The following ACACA variants were observed in gnomAD, a reference collection of about 807,000 sequenced individuals.
ACACA encodes the protein acetyl-CoA carboxylase 1.
Under a neutral mutation model 296.1 loss-of-function variants are expected in ACACA, and 103 were observed. The ratio of observed to expected loss-of-function variants is 0.35; its 90% CI spans 0.30 to 0.41. The LOEUF is 0.41. ACACA is among the 10% of genes least tolerant of loss of function. The pLI, the probability that ACACA is intolerant of heterozygous loss-of-function variation, is 1.00. For missense variants in ACACA, 1,554 were observed against 2,989.7 expected, an observed-to-expected ratio of 0.52 and a Z score of 11.20; for synonymous variants, 953 against 1,038.6, an observed-to-expected ratio of 0.92 and a Z score of 1.58.
chr17:37,188,780 G>A (rs2077634735), intron 38 of ACACA, among the ~76,000 whole-genome samples: 2 of 152,098 alleles, frequency 1.3e-5, no homozygotes, highest in African/African-American at 4.8e-5. Flanking sequence ...AAGATCTGCA[G>A]TATCTAAAAT....
intron 30 of ACACA, among the ~76,000 whole-genome samples, chr17:37,208,333 A>C (rs1008604611): frequency 6.6e-6 from 1 of 152,202 alleles, no homozygotes; most frequent in African/African-American, 2.4e-5. Context: ...GGTTTAGTAA[A>C]TAATTATATA....
intron 1 of ACACA, among the ~76,000 whole-genome samples, chr17:37,382,353 T>C (rs1294194125): frequency 6.6e-6 from 1 of 151,756 alleles, no homozygotes; most frequent in Non-Finnish European, 1.5e-5. Flanking sequence ...CTTTTTTTCA[T>C]ATAGTTTTTT....
At chr17:37,132,596 G>C (rs1048176751) in intron 45 of ACACA, among the ~76,000 whole-genome samples, 3 of 152,192 alleles carry the variant, frequency 2.0e-5, no homozygotes, top group Non-Finnish European at 4.4e-5. Flanking sequence ...CTGAAAATCT[G>C]ATATTCACAA....
intron 1 of ACACA, among the ~76,000 whole-genome samples, chr17:37,403,424 T>G (rs1280756857): frequency 2.1e-5 from 3 of 145,840 alleles, no homozygotes; most frequent in Non-Finnish European, 4.5e-5. Context: ...TAGGCTGGAG[T>G]GCAGTGGTGT....
At chr17:37,288,065 T>C (rs762152598) in intron 3 of ACACA, among the ~76,000 whole-genome samples, 1 of 152,202 alleles carries the variant, frequency 6.6e-6, no homozygotes, top group Non-Finnish European at 1.5e-5. Context: ...GTAGCATATA[T>C]AGACCAGAAA....
intron 1 of ACACA, among the ~76,000 whole-genome samples, chr17:37,381,975 G>A (rs965267591): frequency 2.0e-5 from 3 of 152,004 alleles, no homozygotes; most frequent in East Asian, 1.9e-4. Context: ...TATTTTGGTC[G>A]TTTCCAATCT....
At chr17:37,388,621 C>T in intron 1 of ACACA, 4 of 1,577,180 alleles carry the variant, frequency 2.5e-6, no homozygotes, top group Admixed American at 1.7e-5. Context: ...AATCTCTTTC[C>T]TCTCTCAAAT....
At chr17:37,126,657 C>G (rs532392106) in intron 47 of ACACA, among the ~76,000 whole-genome samples, 1 of 152,280 alleles carries the variant, frequency 6.6e-6, no homozygotes, top group South Asian at 2.1e-4. Context: ...AAACCCAAGT[C>G]CAAAACCAAT....
chr17:37,240,649 G>T, intron 23 of ACACA, 85 bp from the exon 24 acceptor site: 1 of 1,000,582 alleles, frequency 1.0e-6, no homozygotes, highest in Non-Finnish European at 1.5e-6. Flanking sequence ...TTACCTCCAC[G>T]ACATTCCACT....
chr17:37,263,912 GA>G lies in ACACA; in HGVS notation c.1120-19del, dbSNP rs111738937. 1.0e-3 allele frequency: 1,484 copies of G among 1,442,032 alleles called. 4 individuals carry two copies. The highest frequency in any genetic ancestry group is 8.2e-3 in the African/African-American group (569 of 69,530). 89.3% of individuals were successfully genotyped at this position (1,442,032 alleles called of 1,614,324 possible). A position where few individuals can be genotyped will look rare whatever the true frequency, so the allele number is the denominator to read the frequency against. On this transcript the variant is annotated intron_variant, in intron 10 of 55. Transcript: ENST00000616317. ...GCTTGAACCTGTATTAGAAAAGGGG[GA>G]AAAAAAAAACCAATTCTTAAATTTT...
At chr17:37,153,880 T>C (rs1329925773) in intron 43 of ACACA, among the ~76,000 whole-genome samples, 1 of 152,132 alleles carries the variant, frequency 6.6e-6, no homozygotes, top group Middle Eastern at 3.2e-3. Flanking sequence ...ACCCCACTCA[T>C]ATAAATGGAA....
chr17:37,096,670 G>C (rs2073011450), intron 54 of ACACA, among the ~76,000 whole-genome samples: 1 of 152,174 alleles, frequency 6.6e-6, no homozygotes, highest in African/African-American at 2.4e-5. Context: ...TCTAGATGGT[G>C]AGCTCTATGT....
In ACACA at chr17:37,088,996, C is replaced by T; in HGVS notation, c.6970G>A (p.Val2324Ile). 6.2e-7 allele frequency: 1 copy of T among 1,614,190 alleles called. No homozygotes were observed. Among genetic ancestry groups the T allele is most frequent in the Non-Finnish European group, 8.5e-7 (1 of 1,180,040 alleles). Residue 2324 changes from valine (V) to isoleucine (I), a missense_variant, in exon 55 of 56, where the codon GTA (valine) becomes ATA (isoleucine). By Grantham distance (29) the Val-to-Ile change is conservative. This residue lies in a region of ACACA where 553 missense variants were observed against 1,043.6 expected (regional missense o/e 0.53). Coordinates refer to ENST00000616317, the MANE Select transcript of ACACA (RefSeq NM_198834.3). ...ATGCATTTGATGTTTTCCTCTATTA[C>T]CGAGTGAACACCATCCTCCTCTGTC... ...QLTEEDGVHSVIEENIKCISR... is the reference protein window; with the variant it reads ...QLTEEDGVHSIIEENIKCISR...
rs570842370 is a variant in ACACA at position 37,113,480 on chromosome 17, C to T, written c.6275-215G>A. Among the ~76,000 whole-genome samples the T allele has an allele frequency of 2.6e-5, 4 of 152,336 alleles. No individual in the cohort carries two copies. The East Asian group carries it at 7.7e-4, about 29-fold the overall frequency. On this transcript the variant is annotated intron_variant, in intron 50 of 55. Transcript: ENST00000616317. This position sits in a 1 kb window ranked among gnomAD's most constrained non-coding sequence, Gnocchi z 4.0. ...AGACAGCAACAGAGAGATGCACTGT[C>T]TTTCACAAGATACAGTGTGTAAGTC...
At chr17:37,324,427 T>C (rs1355062413) in intron 3 of ACACA, among the ~76,000 whole-genome samples, 1 of 151,050 alleles carries the variant, frequency 6.6e-6, no homozygotes, top group Non-Finnish European at 1.5e-5. Flanking sequence ...CCCAGCACTT[T>C]GGGAGGCTGA....
intron 24 of ACACA, among the ~76,000 whole-genome samples, chr17:37,237,923 G>T (rs1171183500): frequency 6.6e-6 from 1 of 152,076 alleles, no homozygotes; most frequent in Non-Finnish European, 1.5e-5. Flanking sequence ...CACTACACCT[G>T]GCTAATTTTT....
At chr17:37,278,074 A>G (rs2082352833) in intron 5 of ACACA, 69 bp from the exon 6 acceptor site, 1 of 1,178,668 alleles carries the variant, frequency 8.5e-7, no homozygotes, top group African/African-American at 1.5e-5. Context: ...GCACAGCAAA[A>G]CTACGTAAAG....
chr17:37,275,801 T>C, intron 8 of ACACA, 150 bp downstream of exon 8: 2 of 726,980 alleles, frequency 2.8e-6, no homozygotes, highest in South Asian at 3.1e-5. Context: ...CACAGGTGTA[T>C]TAATTAAGCT....
chr17:37,269,117 A>G (rs1045096136), intron 10 of ACACA, among the ~76,000 whole-genome samples: 3 of 151,794 alleles, frequency 2.0e-5, no homozygotes, highest in Admixed American at 1.3e-4. Flanking sequence ...TAGCAAAACA[A>G]TACCTTATTT....
Sources: gnomAD v4.1 joint callset for allele counts (sites outside exome capture counted in the v4.1 genomes callset) on GRCh38, gnomAD v4.1.1 for gene constraint, gnomAD v4.1.1 regional missense constraint, Gnocchi (gnomAD v3.1) non-coding constraint, MANE v1.5 for transcripts, NCBI Gene and HGNC (gene_info 2026-07-23, HGNC 2026-07-21) for gene names.